The following CSMD1 variants were observed in gnomAD, a reference collection of about 807,000 sequenced individuals.
The protein encoded by CSMD1 is CUB and Sushi multiple domains 1, also known as CUB and sushi domain-containing protein 1.
Under a neutral mutation model 417.5 loss-of-function variants are expected in CSMD1, and 213 were observed. The ratio of observed to expected loss-of-function variants is 0.51; its 90% CI spans 0.46 to 0.57. The LOEUF (loss-of-function observed/expected upper bound fraction) is 0.57. CSMD1 is among the 20% of genes least tolerant of loss of function. The pLI is 0.00. For missense variants in CSMD1, 6,923 were observed against 4,529.7 expected, an observed-to-expected ratio of 1.53 and a Z score of -15.17; for synonymous variants, 2,862 against 1,736.8, an observed-to-expected ratio of 1.65 and a Z score of -16.11.
chr8:4,788,759 T>TA (rs548373216), intron 1 of CSMD1, among the ~76,000 whole-genome samples: 229 of 151,258 alleles, frequency 1.5e-3, no homozygotes, highest in Middle Eastern at 6.9e-3. Flanking sequence ...CTAAAAAAAA[T>TA]AAAAAAAAAT....
intron 10 of CSMD1, among the ~76,000 whole-genome samples, chr8:3,561,529 T>C (rs1392875889): frequency 2.0e-5 from 3 of 152,128 alleles, no homozygotes; most frequent in African/African-American, 7.2e-5. Context: ...AAATGGAAAG[T>C]CAAATACCAC....
At chr8:4,742,069 C>G (rs555919348) in intron 1 of CSMD1, among the ~76,000 whole-genome samples, 1 of 118,356 alleles carries the variant, frequency 8.4e-6, no homozygotes, top group Non-Finnish European at 1.6e-5. Flanking sequence ...CTCTCTCTGT[C>G]GCCCAGGCTG....
intron 49 of CSMD1, among the ~76,000 whole-genome samples, chr8:3,063,282 C>T (rs74455274): frequency 6.6e-6 from 1 of 152,116 alleles, no homozygotes; most frequent in Non-Finnish European, 1.5e-5. Context: ...GTGACTTAAC[C>T]TATTTCAGCT....
chr8:3,641,777 A>G (rs1298534342), intron 7 of CSMD1, among the ~76,000 whole-genome samples: 2 of 151,976 alleles, frequency 1.3e-5, no homozygotes, highest in East Asian at 3.9e-4. Flanking sequence ...ACCACTCACT[A>G]CCTCCTGGTT....
At chr8:4,466,629 C>G (rs1280885848) in intron 2 of CSMD1, among the ~76,000 whole-genome samples, 1 of 152,084 alleles carries the variant, frequency 6.6e-6, no homozygotes, top group Non-Finnish European at 1.5e-5. Context: ...AATTTTTTGA[C>G]TTTATTTAAA....
intron 2 of CSMD1, among the ~76,000 whole-genome samples, chr8:4,535,656 A>G (rs1452193811): frequency 4.6e-5 from 7 of 152,112 alleles, no homozygotes; most frequent in Non-Finnish European, 7.4e-5. Context: ...TTTGCCAAAG[A>G]CCTTGATTCA....
At chr8:4,174,281 G>A (rs972074426) in intron 3 of CSMD1, among the ~76,000 whole-genome samples, 1 of 152,116 alleles carries the variant, frequency 6.6e-6, no homozygotes, top group African/African-American at 2.4e-5. Flanking sequence ...TAGAGGCTAA[G>A]TATTTCATCA....
intron 2 of CSMD1, among the ~76,000 whole-genome samples, chr8:4,512,029 C>G (rs189601305): frequency 6.6e-6 from 1 of 152,182 alleles, no homozygotes; most frequent in Non-Finnish European, 1.5e-5. Context: ...GACATGGTTG[C>G]AAAAATCCTC....
At chr8:3,732,596 C>T (rs139444629) in intron 6 of CSMD1, among the ~76,000 whole-genome samples, 2 of 152,322 alleles carry the variant, frequency 1.3e-5, no homozygotes, top group East Asian at 3.9e-4. Context: ...ACCATGAAAG[C>T]TGCATTTCAG....
At chr8:4,097,475 C>T (rs1328167616) in intron 3 of CSMD1, among the ~76,000 whole-genome samples, 1 of 152,084 alleles carries the variant, frequency 6.6e-6, no homozygotes, top group Non-Finnish European at 1.5e-5. Flanking sequence ...TAATTTGTGC[C>T]AATTAAGAAA....
intron 3 of CSMD1, among the ~76,000 whole-genome samples, chr8:4,234,777 A>C (rs752725935): frequency 1.1e-4 from 16 of 152,104 alleles, no homozygotes; most frequent in Non-Finnish European, 2.2e-4. Flanking sequence ...GATCTGGGCT[A>C]ACTTGCCCCC....
At chr8:3,872,430 C>T (rs867610202) in intron 5 of CSMD1, among the ~76,000 whole-genome samples, 9 of 152,114 alleles carry the variant, frequency 5.9e-5, no homozygotes, top group South Asian at 2.1e-4. Context: ...CCAGTTAAAA[C>T]GCATTATCCG....
At chr8:4,668,360 C>A (rs1381832473) in intron 1 of CSMD1, among the ~76,000 whole-genome samples, 3 of 151,162 alleles carry the variant, frequency 2.0e-5, no homozygotes, top group South Asian at 2.1e-4. Flanking sequence ...CTGCCTTGAA[C>A]CCTCGTCTCT....
At chr8:3,350,995 G>GA (rs1366754347) in intron 21 of CSMD1, among the ~76,000 whole-genome samples, 2 of 152,090 alleles carry the variant, frequency 1.3e-5, no homozygotes, top group Non-Finnish European at 2.9e-5. Flanking sequence ...TTGCCTTTTA[G>GA]AAAAAATCAA....
chr8:3,222,574 G>A (rs1421886456), intron 28 of CSMD1, among the ~76,000 whole-genome samples: 85 of 152,114 alleles, frequency 5.6e-4, no homozygotes, highest in Admixed American at 5.6e-3. Context: ...CTCCTGAAAT[G>A]CTGGGATTAC....
chr8:4,305,267 G>C (rs931427979), intron 3 of CSMD1, among the ~76,000 whole-genome samples: 1 of 152,170 alleles, frequency 6.6e-6, no homozygotes, highest in Non-Finnish European at 1.5e-5. Context: ...CATTTCCAAT[G>C]CCTGGGAACT....
intron 5 of CSMD1, among the ~76,000 whole-genome samples, chr8:3,950,299 C>T (rs1300582953): frequency 6.6e-6 from 1 of 152,130 alleles, no homozygotes; most frequent in Non-Finnish European, 1.5e-5. Flanking sequence ...AGAACCTATT[C>T]TCCAGTTTGA....
intron 18 of CSMD1, among the ~76,000 whole-genome samples, chr8:3,374,312 C>G (rs1810172681): frequency 6.6e-6 from 1 of 152,086 alleles, no homozygotes; most frequent in Admixed American, 6.6e-5. Flanking sequence ...ATCCATTCAT[C>G]TATCCCATCC....
intron 3 of CSMD1, among the ~76,000 whole-genome samples, chr8:4,235,843 C>T (rs1315508864): frequency 6.6e-6 from 1 of 152,132 alleles, no homozygotes. Flanking sequence ...GAGGAGACAT[C>T]CTGCCATCCT....
Sources: gnomAD v4.1 joint callset for allele counts (sites outside exome capture counted in the v4.1 genomes callset) on GRCh38, gnomAD v4.1.1 for gene constraint, MANE v1.5 for transcripts, NCBI Gene and HGNC (gene_info 2026-07-23, HGNC 2026-07-21) for gene names.